FGD3: variants seen among roughly 807,000 people sequenced by gnomAD.
The protein encoded by FGD3 is FYVE, RhoGEF and PH domain-containing protein 3.
In FGD3, 45 loss-of-function variants were observed where a neutral mutation model predicts 71.8. The ratio of observed to expected loss-of-function variants is 0.63; its 90% CI spans 0.49 to 0.80. The LOEUF is 0.80. Among genes scored for constraint, FGD3 ranks in the 30% least tolerant of loss-of-function variants. The probability of loss-of-function intolerance (pLI) is 0.00; values close to 1 mark genes in which losing one functional copy is unlikely to be tolerated. For missense variants in FGD3, 844 were observed against 951.5 expected (o/e 0.89, Z 1.49); for synonymous variants, 378 against 392.8 (o/e 0.96, Z 0.44).
chr9:92,968,660 G>C (rs1190838575), intron 1 of FGD3, among the ~76,000 whole-genome samples: 1 of 147,446 alleles, frequency 6.8e-6, no homozygotes, highest in Non-Finnish European at 1.5e-5. Flanking sequence ...CTGGAGTGCA[G>C]TGGTGTGATC....
At chr9:93,013,334 C>T (rs1372981085) in intron 8 of FGD3, among the ~76,000 whole-genome samples, 1 of 152,228 alleles carries the variant, frequency 6.6e-6, no homozygotes, top group Non-Finnish European at 1.5e-5. Flanking sequence ...GAGGTTGCCG[C>T]AGGCTCACCT....
At chr9:93,033,139 G>A (rs1031627588) in intron 16 of FGD3, 2 of 519,944 alleles carry the variant, frequency 3.8e-6, no homozygotes, top group East Asian at 7.2e-5. Flanking sequence ...TGTCACTCCT[G>A]GTCACCTGGT....
intron 12 of FGD3, among the ~76,000 whole-genome samples, 191 bp downstream of exon 12, chr9:93,020,052 A>C (rs539091944): frequency 1.3e-5 from 2 of 152,270 alleles, no homozygotes; most frequent in South Asian, 4.1e-4. Flanking sequence ...CAACCCATTC[A>C]TTTCTTTGAG....
rs1247247227 is a variant in FGD3 at position 93,004,069 on chromosome 9, C to A, written c.612C>A (p.Ile204=). Residue 204 remains isoleucine (I), a synonymous_variant, in exon 5 of 18, where the codon ATC becomes ATA. Coordinates refer to ENST00000375482, the MANE Select transcript of FGD3 (RefSeq NM_001083536.2). ...PEVIMGIFSN[I]SSIHRFHGQF... is the part of the protein sequence containing the mutation. ...TCATCATGGGCATATTCTCTAACAT[C>A]TCCTCCATCCACCGCTTCCACGGGC... 5.0e-6 allele frequency: 8 copies of A among 1,614,094 alleles called. No individual in the cohort carries two copies. The highest frequency in any genetic ancestry group is 5.9e-6 in the Non-Finnish European group (7 of 1,180,048).
intron 3 of FGD3, among the ~76,000 whole-genome samples, chr9:92,993,356 A>G (rs1205975559): frequency 1.3e-5 from 2 of 152,118 alleles, no homozygotes; most frequent in Non-Finnish European, 2.9e-5. Flanking sequence ...ATCTTTTTCC[A>G]TCCTGTCACT....
At chr9:93,023,258 G>A (rs1033104855) in intron 14 of FGD3, among the ~76,000 whole-genome samples, 2 of 152,164 alleles carry the variant, frequency 1.3e-5, no homozygotes, top group Non-Finnish European at 2.9e-5. Flanking sequence ...TGGGCTGGCC[G>A]CTGGCTGCCC....
chr9:92,976,144 T>G, intron 2 of FGD3, 64 bp from the exon 3 acceptor site: 1 of 995,494 alleles, frequency 1.0e-6, no homozygotes, highest in Non-Finnish European at 1.4e-6. Flanking sequence ...CATTTGGGGG[T>G]TGCACCTGAG....
chr9:93,016,482 T>C (rs558672745), intron 10 of FGD3, among the ~76,000 whole-genome samples: 3 of 151,360 alleles, frequency 2.0e-5, no homozygotes, highest in African/African-American at 7.3e-5. Flanking sequence ...CGATTACAGG[T>C]GTGTGCCACC....
At chr9:92,982,043 A>G (rs1158082724) in intron 3 of FGD3, among the ~76,000 whole-genome samples, 1 of 152,222 alleles carries the variant, frequency 6.6e-6, no homozygotes, top group Non-Finnish European at 1.5e-5. Flanking sequence ...ATTGTTAACA[A>G]TAGTCCTTCT....
chr9:92,983,044 C>T (rs1860054433), intron 3 of FGD3, among the ~76,000 whole-genome samples: 1 of 151,534 alleles, frequency 6.6e-6, no homozygotes, highest in Non-Finnish European at 1.5e-5. Context: ...TGAGATCGTA[C>T]CACTGTACCC....
chr9:92,962,130 G>A (rs1859178162), intron 1 of FGD3, among the ~76,000 whole-genome samples: 1 of 152,118 alleles, frequency 6.6e-6, no homozygotes, highest in African/African-American at 2.4e-5. Context: ...CCCCAACCAG[G>A]GACGACAGGA....
intron 3 of FGD3, among the ~76,000 whole-genome samples, chr9:92,998,891 G>A (rs1372296467): frequency 6.6e-6 from 1 of 152,220 alleles, no homozygotes; most frequent in Admixed American, 6.5e-5. Context: ...CTACTGGGAA[G>A]TGTCTCCCAG....
chr9:92,957,515 A>G (rs1217944867), intron 1 of FGD3, among the ~76,000 whole-genome samples: 1 of 151,402 alleles, frequency 6.6e-6, no homozygotes. Flanking sequence ...AGTCAAGTAT[A>G]TGTTCCAGTT....
intron 1 of FGD3, among the ~76,000 whole-genome samples, chr9:92,956,625 C>T (rs1015105281): frequency 1.6e-4 from 24 of 152,134 alleles, no homozygotes; most frequent in African/African-American, 5.6e-4. Flanking sequence ...GAGTTCCAGC[C>T]TCCTGGAATG....
At chr9:93,002,625 G>T (rs986310064) in intron 3 of FGD3, among the ~76,000 whole-genome samples, 1 of 152,094 alleles carries the variant, frequency 6.6e-6, no homozygotes, top group Non-Finnish European at 1.5e-5. Context: ...ATATATTGTT[G>T]TTAACCTTAT....
intron 3 of FGD3, among the ~76,000 whole-genome samples, chr9:92,981,551 T>C (rs1316866194): frequency 4.6e-5 from 7 of 152,178 alleles, no homozygotes; most frequent in Non-Finnish European, 1.0e-4. Context: ...TCTGTTTGGT[T>C]CAACTGTCTG....
At chr9:92,971,717 A>C (rs1269780559) in intron 1 of FGD3, among the ~76,000 whole-genome samples, 1 of 151,558 alleles carries the variant, frequency 6.6e-6, no homozygotes, top group East Asian at 1.9e-4. Context: ...CTGGGATTAC[A>C]GGAGCCCACC....
chr9:93,014,372 G>T (rs769293429), intron 9 of FGD3, among the ~76,000 whole-genome samples: 31 of 152,096 alleles, frequency 2.0e-4, no homozygotes, highest in Non-Finnish European at 3.8e-4. Flanking sequence ...GCCAAACCCT[G>T]GCCGGGAGGG....
intron 3 of FGD3, among the ~76,000 whole-genome samples, chr9:92,994,670 C>A (rs953102761): frequency 2.6e-5 from 4 of 152,120 alleles, no homozygotes; most frequent in African/African-American, 7.2e-5. Flanking sequence ...AGGAAGGGGT[C>A]CAGTTTCAGC....
Sources: gnomAD v4.1 joint callset for allele counts (sites outside exome capture counted in the v4.1 genomes callset) on GRCh38, gnomAD v4.1.1 for gene constraint, MANE v1.5 for transcripts, NCBI Gene and HGNC (gene_info 2026-07-23, HGNC 2026-07-21) for gene names.